Variants in HSPBAP1 observed in about 807,000 individuals in gnomAD.
HSPBAP1 encodes the protein HSPB1-associated protein 1.
HSPBAP1 carries 27 observed loss-of-function variants against 45.2 expected under a neutral mutation model. The observed-to-expected ratio is 0.60, with a 90% confidence interval of 0.44 to 0.82. The LOEUF is 0.82. HSPBAP1 is among the 40% of genes least tolerant of loss of function. The pLI is 0.00. For missense variants in HSPBAP1, 510 were observed against 590.9 expected (o/e 0.86, Z 1.42); for synonymous variants, 204 against 202.7 (o/e 1.01, Z -0.06).
At chr3:122,757,736 A>G (rs1291637823) in intron 4 of HSPBAP1, among the ~76,000 whole-genome samples, 1 of 152,222 alleles carries the variant, frequency 6.6e-6, no homozygotes, top group Admixed American at 6.5e-5. Context: ...AAAATGTCTT[A>G]TTACAAAGTT....
chr3:122,781,454 CTG>C (rs1297221689), intron 1 of HSPBAP1, among the ~76,000 whole-genome samples: 1 of 151,710 alleles, frequency 6.6e-6, no homozygotes, highest in Non-Finnish European at 1.5e-5. Context: ...ACTCGGCAGG[CTG>C]AGGCAGGAGA....
At chr3:122,760,486 G>C (rs987296327) in intron 3 of HSPBAP1, among the ~76,000 whole-genome samples, 10 of 151,912 alleles carry the variant, frequency 6.6e-5, no homozygotes, top group African/African-American at 2.4e-4. Context: ...TGTATTCAAA[G>C]AGAAAGGATT....
At chr3:122,760,372 A>T (rs1367103170) in intron 3 of HSPBAP1, among the ~76,000 whole-genome samples, 1 of 152,012 alleles carries the variant, frequency 6.6e-6, no homozygotes, top group African/African-American at 2.4e-5. Flanking sequence ...CAAAAAAAAA[A>T]ACACCCCACT....
chr3:122,780,424 A>T (rs1387803957), intron 1 of HSPBAP1, among the ~76,000 whole-genome samples: 1 of 94,870 alleles, frequency 1.1e-5, no homozygotes, highest in Non-Finnish European at 2.2e-5. Context: ...CTGGCCGGGC[A>T]GAGGGGCTCC....
chr3:122,777,872 T>C lies in HSPBAP1; in HGVS notation c.99A>G (p.Ala33=). Residue 33 remains alanine (A), a synonymous_variant, in exon 2 of 8, where the codon GCA becomes GCG. Transcript: ENST00000306103. ...GTTGTAAAGACATGATAATTTCTTT[T>C]GCTTTCTCTGGCTTAAAAGGTTTGA... ...EHVKPFKPEK[A]KEIIMSLQQP... is the part of the protein sequence containing the mutation. The C allele has an allele frequency of 1.2e-6, 2 of 1,613,472 alleles. No homozygotes were observed. Among genetic ancestry groups the C allele is most frequent in the Non-Finnish European group, 1.7e-6 (2 of 1,179,564 alleles).
rs1316278617 is a variant in HSPBAP1 at position 122,740,509 on chromosome 3, G to C, written c.1303C>G (p.Gln435Glu). The C allele has an allele frequency of 3.7e-6, 6 of 1,614,162 alleles. No homozygotes were observed. Among genetic ancestry groups the C allele is most frequent in the Admixed American group, 1.7e-5 (1 of 60,026 alleles). ...FGKLHCAKRQ[Q>E]IMSNSENAIE... ...GCATTTTCACTGTTGCTCATTATTT[G>C]TTGTCTCTTGGCACAATGCAATTTT... The change falls in exon 8 of 8, where the codon CAA (glutamine) becomes GAA (glutamate). Residue 435 changes from glutamine to glutamate, a missense_variant. Coordinates refer to ENST00000306103, the MANE Select transcript of HSPBAP1 (RefSeq NM_024610.6).
At position 122,759,265 on chromosome 3, in the gene HSPBAP1, C is replaced by T. The variant is rs769203267; in HGVS notation, c.528G>A (p.Leu176=). ...GSLGAHTPCH[L]DSYGCNLVFQ... ...ATACCAAGTTACAACCATAGGAGTCCAGATGACAGGGTGTGTGGGCTCCCA... is the reference window on the plus strand; with the variant it reads ...ATACCAAGTTACAACCATAGGAGTCTAGATGACAGGGTGTGTGGGCTCCCA... The change falls in exon 4 of 8, where the codon CTG becomes CTA. Residue 176 remains leucine, a synonymous_variant. Transcript: ENST00000306103. 3.1e-6 allele frequency: 5 copies of T among 1,613,546 alleles called. No homozygotes were observed. The highest frequency in any genetic ancestry group is 2.2e-5 in the South Asian group (2 of 91,074).
Position 122,768,839 on chromosome 3 carries a change from G to A in HSPBAP1, c.294C>T (p.Leu98=), listed in dbSNP as rs1215357160. The A allele has an allele frequency of 6.2e-7, 1 of 1,612,494 alleles. No individual in the cohort carries two copies. ...CACAGTTCCAGGTCAGAAACTCTTCGAGTGTAGCTTCTACGTAATTACATG... is the reference window on the plus strand; with the variant it reads ...CACAGTTCCAGGTCAGAAACTCTTCAAGTGTAGCTTCTACGTAATTACATG... ...ETTCNYVEAT[L]EEFLTWNCDQ... is the part of the protein sequence containing the mutation. The change falls in exon 3 of 8, where the codon CTC becomes CTT. Residue 98 remains leucine (L), a synonymous_variant. Transcript: ENST00000306103.
intron 1 of HSPBAP1, among the ~76,000 whole-genome samples, chr3:122,780,675 G>A (rs1353598843): frequency 2.7e-5 from 4 of 150,908 alleles, no homozygotes; most frequent in Non-Finnish European, 5.9e-5. Context: ...CCTCCCTCCC[G>A]GACGGGGTGG....
rs112635624 is a variant in HSPBAP1, at chr3:122,773,187, T to A, written c.251-4305A>T. Among the ~76,000 whole-genome samples the A allele has an allele frequency of 5.9e-5, 9 of 151,996 alleles. No homozygotes were observed. In the South Asian group the frequency reaches 6.2e-4, roughly 11 times the overall value. On this transcript the variant is annotated intron_variant, in intron 2 of 7. Transcript: ENST00000306103. Reference sequence around the variant, plus strand: ...AATATATATGAAGAATTCAAAAAAATTTTTAAACCCTAAAATCCCAATAAG... The same window carrying A: ...AATATATATGAAGAATTCAAAAAAAATTTTAAACCCTAAAATCCCAATAAG...
chr3:122,757,570 G>A (rs181318327), intron 4 of HSPBAP1, among the ~76,000 whole-genome samples: 7 of 152,174 alleles, frequency 4.6e-5, no homozygotes, highest in African/African-American at 1.4e-4. Flanking sequence ...GATGTCTGTC[G>A]GCTTGCCTTG....
At chr3:122,753,467 G>A (rs927292526) in intron 5 of HSPBAP1, 11 of 980,514 alleles carry the variant, frequency 1.1e-5, no homozygotes, top group East Asian at 1.1e-4. Context: ...TAGTGGTATC[G>A]AGAGAGTCTG....
intron 1 of HSPBAP1, among the ~76,000 whole-genome samples, chr3:122,779,577 G>A (rs1371490328): frequency 6.6e-6 from 1 of 151,434 alleles, no homozygotes; most frequent in Non-Finnish European, 1.5e-5. Flanking sequence ...CAGGGTCATA[G>A]GACAATAGTG....
intron 6 of HSPBAP1, among the ~76,000 whole-genome samples, chr3:122,742,091 C>T (rs1933691051): frequency 6.7e-6 from 1 of 150,006 alleles, no homozygotes; most frequent in Non-Finnish European, 1.5e-5. Context: ...TTCATAGAAG[C>T]AAAAAATTGA....
At chr3:122,791,483 G>A (rs1400681369) in intron 1 of HSPBAP1, among the ~76,000 whole-genome samples, 1 of 152,196 alleles carries the variant, frequency 6.6e-6, no homozygotes, top group Non-Finnish European at 1.5e-5. Flanking sequence ...ACTAGCAGCT[G>A]GGCACATGGT....
chr3:122,750,514 A>AATAT, intron 6 of HSPBAP1, among the ~76,000 whole-genome samples: 1 of 70,084 alleles, frequency 1.4e-5, no homozygotes, highest in Non-Finnish European at 3.3e-5. Context: ...TAAATACATC[A>AATAT]ATATCTATCT....
chr3:122,771,295 T>C (rs1321520345), intron 2 of HSPBAP1, among the ~76,000 whole-genome samples: 1 of 152,304 alleles, frequency 6.6e-6, no homozygotes, highest in Admixed American at 6.5e-5. Context: ...GGTAGTACAG[T>C]TGTTATTCTT....
At chr3:122,763,053 A>T (rs936542555) in intron 3 of HSPBAP1, among the ~76,000 whole-genome samples, 2 of 152,210 alleles carry the variant, frequency 1.3e-5, no homozygotes, top group African/African-American at 4.8e-5. Flanking sequence ...GTTCATACAC[A>T]TCTGGGATTA....
chr3:122,785,756 T>C (rs1468536601), intron 1 of HSPBAP1, among the ~76,000 whole-genome samples: 2 of 152,198 alleles, frequency 1.3e-5, no homozygotes, highest in African/African-American at 2.4e-5. Context: ...CTCATTCTCT[T>C]CTTCCTTACT....
Sources: gnomAD v4.1 joint callset for allele counts (sites outside exome capture counted in the v4.1 genomes callset) on GRCh38, gnomAD v4.1.1 for gene constraint, MANE v1.5 for transcripts, NCBI Gene and HGNC (gene_info 2026-07-23, HGNC 2026-07-21) for gene names.